Variants in DSC1 observed in about 807,000 individuals in gnomAD.
The protein encoded by DSC1 is desmocollin 1.
DSC1 carries 79 observed loss-of-function variants against 98.8 expected under a neutral mutation model. The observed-to-expected ratio is 0.80, with a 90% CI of 0.67 to 0.96. The LOEUF (loss-of-function observed/expected upper bound fraction) is 0.96. Ranked by LOEUF, DSC1 falls within the 50% of genes least tolerant of loss-of-function variation. The pLI is 0.00. For missense variants in DSC1, 1,115 were observed against 1,075.9 expected (o/e 1.04, Z -0.51); for synonymous variants, 405 against 372.1 (o/e 1.09, Z -1.02).
chr18:31,144,543 T>A (rs1036515673), intron 7 of DSC1, among the ~76,000 whole-genome samples: 2 of 152,136 alleles, frequency 1.3e-5, no homozygotes, highest in African/African-American at 4.8e-5. Context: ...TATATGACAT[T>A]CTAAAAAAGG....
chr18:31,145,813 A>G, intron 6 of DSC1, 36 bp from the exon 7 acceptor site: 3 of 1,587,286 alleles, frequency 1.9e-6, no homozygotes, highest in Non-Finnish European at 2.6e-6. Context: ...AAAAATTTCT[A>G]CTCATATAAT....
chr18:31,143,497 A>G (rs1184053512), intron 8 of DSC1, among the ~76,000 whole-genome samples, 160 bp downstream of exon 8: 2 of 152,158 alleles, frequency 1.3e-5, no homozygotes, highest in Non-Finnish European at 2.9e-5. Context: ...TACTTCAATT[A>G]TTTGTACAGA....
rs764620457 is a variant in DSC1 at position 31,162,610 on chromosome 18, T to A, written c.-16A>T. 2.5e-6 allele frequency: 4 copies of A among 1,613,856 alleles called. No homozygotes were observed. Among genetic ancestry groups the A allele is most frequent in the Non-Finnish European group, 3.4e-6 (4 of 1,179,790 alleles). On this transcript the variant is annotated 5_prime_UTR_variant, in exon 1 of 16. Coordinates refer to ENST00000257198, the MANE Select transcript of DSC1 (RefSeq NM_024421.2). ...CCAGAGCCATCAGAAGCAGTCCCAATGGCCAGGGACGGTGGCCAGATAACA... is the reference window on the plus strand; with the variant it reads ...CCAGAGCCATCAGAAGCAGTCCCAAAGGCCAGGGACGGTGGCCAGATAACA...
intron 4 of DSC1, 152 bp downstream of exon 4, chr18:31,155,891 C>T: frequency 2.7e-6 from 2 of 753,434 alleles, no homozygotes; most frequent in Non-Finnish European, 4.2e-6. Context: ...TATACTGGGT[C>T]ACTTCTATGG....
Position 31,143,787 on chromosome 18 carries a change from C to T in DSC1, c.944G>A (p.Cys315Tyr). The part of the protein sequence containing the change: ...TTTPFLDREK[C>Y]DTYQLIMEVR... ...TTCCATTATTAACTGGTAAGTATCA[C>T]ATTTCTGAAAAAAAGGAAAAAACTA... The change falls in exon 8 of 16, where the codon TGT becomes TAT. Residue 315 changes from cysteine to tyrosine, a missense_variant. By Grantham distance (194) the Cys-to-Tyr change is radical (BLOSUM62 -2). Transcript: ENST00000257198. 2.6e-6 allele frequency: 4 copies of T among 1,554,730 alleles called. No homozygotes were observed. Among genetic ancestry groups the T allele is most frequent in the Non-Finnish European group, 2.6e-6 (3 of 1,154,728 alleles).
At chr18:31,145,896 TAC>T in intron 6 of DSC1, 119 bp from the exon 7 acceptor site, 1 of 1,086,740 alleles carries the variant, frequency 9.2e-7, no homozygotes, top group Non-Finnish European at 1.3e-6. Context: ...AGATTAGTTC[TAC>T]TGTTAAGTTG....
chr18:31,144,345 C>T (rs1988797582), intron 7 of DSC1, among the ~76,000 whole-genome samples: 1 of 151,924 alleles, frequency 6.6e-6, no homozygotes, highest in Admixed American at 6.6e-5. Flanking sequence ...TTATAATTGC[C>T]AAAACTTGAA....
chr18:31,157,284 AACATGAAACACGTTAAAAC>A, intron 3 of DSC1, 68 bp downstream of exon 3: 1 of 1,358,070 alleles, frequency 7.4e-7, no homozygotes, highest in Non-Finnish European at 1.0e-6. Context: ...CATAGATTTT[AACATGAAACACGTTAAAAC>A]ACATGAAACA....
intron 1 of DSC1, among the ~76,000 whole-genome samples, chr18:31,162,268 T>A (rs1816633): frequency 0.64 from 97,924 of 152,050 alleles, 31,939 homozygotes; most frequent in East Asian, 0.81. Flanking sequence ...TCTTAGAAAA[T>A]CACCACAGCA....
At chr18:31,149,929 A>C (rs1485302588) in intron 5 of DSC1, among the ~76,000 whole-genome samples, 2 of 151,964 alleles carry the variant, frequency 1.3e-5, no homozygotes, top group African/African-American at 4.8e-5. Context: ...CATCAGTCTG[A>C]TCTCTATATC....
chr18:31,132,478 C>A, intron 14 of DSC1, 90 bp downstream of exon 14: 1 of 1,529,082 alleles, frequency 6.5e-7, no homozygotes. Context: ...GCTCAATAAA[C>A]ATTAGTGATA....
At chr18:31,152,412 G>A (rs968050133) in intron 5 of DSC1, among the ~76,000 whole-genome samples, 7 of 152,044 alleles carry the variant, frequency 4.6e-5, no homozygotes, top group Non-Finnish European at 7.4e-5. Context: ...CCAAAGCTAC[G>A]AAATCAAATT....
intron 3 of DSC1, among the ~76,000 whole-genome samples, chr18:31,157,016 G>A (rs569243528): frequency 2.0e-5 from 3 of 152,270 alleles, no homozygotes; most frequent in Admixed American, 2.0e-4. Flanking sequence ...CGCACAGGGT[G>A]GAGCCCACAT....
At chr18:31,145,506 A>T in intron 7 of DSC1, 105 bp downstream of exon 7, 1 of 1,292,868 alleles carries the variant, frequency 7.7e-7, no homozygotes, top group Non-Finnish European at 1.1e-6. Context: ...CTACAGAAGC[A>T]TGCTGAGAAA....
At position 31,142,156 on chromosome 18, in the gene DSC1, A is replaced by G. The variant is rs1311102528; in HGVS notation, c.1103T>C (p.Ile368Thr). 4.3e-6 allele frequency: 7 copies of G among 1,612,434 alleles called. No individual in the cohort carries two copies. The highest frequency in any genetic ancestry group is 4.2e-6 in the Non-Finnish European group (5 of 1,179,584). Residue 368 changes from isoleucine (I) to threonine (T), a missense_variant, in exon 9 of 16, where the codon ATT becomes ACT. Ile to Thr is a moderately conservative substitution (Grantham distance 89, BLOSUM62 -1). Coordinates refer to ENST00000257198, the MANE Select transcript of DSC1 (RefSeq NM_024421.2). ...SYVTEVEENR[I>T]DVEILRMKVQ... ...CTTCATTCGTAAAATCTCCACGTCA[A>G]TTCTGTTTTCTTCTACTTCTGTAAC...
intron 2 of DSC1, 68 bp from the exon 3 acceptor site, chr18:31,157,641 A>G: frequency 6.4e-7 from 1 of 1,564,622 alleles, no homozygotes; most frequent in Non-Finnish European, 8.8e-7. Context: ...TACAGGAATG[A>G]CAGCCGTGAG....
chr18:31,157,216 AG>A (rs1480480089), intron 3 of DSC1, among the ~76,000 whole-genome samples, 154 bp downstream of exon 3: 1 of 152,174 alleles, frequency 6.6e-6, no homozygotes, highest in Admixed American at 6.5e-5. Context: ...ACTCCTTAAA[AG>A]TCTAGTCTTT....
chr18:31,147,714 G>A (rs1988875693), intron 6 of DSC1, among the ~76,000 whole-genome samples: 1 of 151,804 alleles, frequency 6.6e-6, no homozygotes, highest in Non-Finnish European at 1.5e-5. Context: ...AGAGAATTCA[G>A]GAAAACAACA....
intron 11 of DSC1, among the ~76,000 whole-genome samples, chr18:31,137,325 GA>G (rs1988632434): frequency 6.6e-6 from 1 of 152,076 alleles, no homozygotes; most frequent in Non-Finnish European, 1.5e-5. Context: ...CCTTCTTACA[GA>G]AGGGAAAAAT....
Sources: gnomAD v4.1 joint callset for allele counts (sites outside exome capture counted in the v4.1 genomes callset) on GRCh38, gnomAD v4.1.1 for gene constraint, MANE v1.5 for transcripts, NCBI Gene and HGNC (gene_info 2026-07-23, HGNC 2026-07-21) for gene names.